USP34: variants seen among roughly 807,000 people sequenced by gnomAD.
The protein encoded by USP34 is ubiquitin carboxyl-terminal hydrolase 34.
USP34 carries 70 observed loss-of-function variants against 460.3 expected under a neutral mutation model. That is an observed-to-expected ratio of 0.15 (90% confidence interval 0.13 to 0.19). The LOEUF (loss-of-function observed/expected upper bound fraction) is 0.19. Ranked by LOEUF, USP34 falls within the 10% of genes least tolerant of loss-of-function variation. The pLI is 1.00. For synonymous variants in USP34, 1,647 were observed against 1,405.3 expected (o/e 1.17, Z -3.85); for missense variants, 3,985 against 4,236.2 (o/e 0.94, Z 1.65).
At chr2:61,447,785 G>A (rs984925806) in intron 1 of USP34, among the ~76,000 whole-genome samples, 14 of 151,904 alleles carry the variant, frequency 9.2e-5, no homozygotes, top group African/African-American at 1.2e-4. Context: ...GTGCAATCTC[G>A]GCTTGCTGCA....
intron 2 of USP34, among the ~76,000 whole-genome samples, chr2:61,419,653 G>A (rs1463163534): frequency 1.3e-5 from 2 of 152,116 alleles, no homozygotes; most frequent in Admixed American, 6.5e-5. Flanking sequence ...TATAGATCCT[G>A]AAATCAGAAG....
chr2:61,405,946 A>T lies in USP34; in HGVS notation c.314T>A (p.Leu105Gln), dbSNP rs1254208864. ...QDESNQAEEP[L>Q]NIDRECNEGS... is the part of the protein sequence containing the mutation. The stretch of plus-strand genomic sequence containing the variant: ...TTCATTACACTCTCTATCTATATTC[A>T]GTGGTTCTTCTGCTTGATTACTCTC... Residue 105 changes from leucine (L) to glutamine (Q), a missense_variant, in exon 3 of 80, where the codon CTG becomes CAG. By Grantham distance (113) the Leu-to-Gln change is moderately radical. Coordinates refer to ENST00000398571, the MANE Select transcript of USP34 (RefSeq NM_014709.4). The T allele has an allele frequency of 2.5e-5, 41 of 1,613,282 alleles. No individual in the cohort carries two copies. The highest frequency in any genetic ancestry group is 3.4e-5 in the Non-Finnish European group (40 of 1,179,882).
chr2:61,336,839 C>T (rs937647712), intron 18 of USP34, among the ~76,000 whole-genome samples: 4 of 122,006 alleles, frequency 3.3e-5, no homozygotes, highest in African/African-American at 1.2e-4. Context: ...AAAAGCAAAA[C>T]AAAAAACCTC....
chr2:61,430,883 A>C (rs1694652355), intron 1 of USP34, among the ~76,000 whole-genome samples: 1 of 152,194 alleles, frequency 6.6e-6, no homozygotes, highest in Non-Finnish European at 1.5e-5. Flanking sequence ...GCAAGCCTGT[A>C]ATCTCAGCTA....
rs775501476 is a variant in USP34 at position 61,283,265 on chromosome 2, T to G, written c.4878A>C (p.Ser1626=). The G allele has an allele frequency of 2.5e-6, 4 of 1,611,136 alleles. No homozygotes were observed. The highest frequency in any genetic ancestry group is 2.7e-5 in the African/African-American group (2 of 74,760). Residue 1626 remains serine (S), a synonymous_variant, in exon 37 of 80, where the codon TCA becomes TCC. Coordinates refer to ENST00000398571, the MANE Select transcript of USP34 (RefSeq NM_014709.4). ...TCACCAAGAGCCACATTGAATAATGTGAAACTAAAGAAAAATTAGAAAACA... is the reference window on the plus strand; with the variant it reads ...TCACCAAGAGCCACATTGAATAATGGGAAACTAAAGAAAAATTAGAAAACA... ...QSDHRSRHEV[S]HYSMWLLVSW... is the part of the protein sequence containing the mutation.
intron 27 of USP34, among the ~76,000 whole-genome samples, chr2:61,307,034 T>C (rs1293302824): frequency 6.6e-6 from 1 of 152,132 alleles, no homozygotes; most frequent in East Asian, 1.9e-4. Flanking sequence ...ATTGTGGCAC[T>C]ATTCACAAGA....
intron 9 of USP34, 34 bp downstream of exon 9, chr2:61,370,464 A>G (rs1490703974): frequency 4.3e-6 from 7 of 1,610,968 alleles, no homozygotes; most frequent in Middle Eastern, 1.6e-4. Flanking sequence ...TTCTCTATCA[A>G]TAGAACAGAG....
chr2:61,414,251 AAAAT>A (rs754934094), intron 2 of USP34, among the ~76,000 whole-genome samples: 4 of 144,470 alleles, frequency 2.8e-5, no homozygotes, highest in African/African-American at 1.0e-4. Flanking sequence ...CCATCTCTAT[AAAAT>A]AAATAAATAA....
intron 20 of USP34, among the ~76,000 whole-genome samples, chr2:61,327,415 C>T (rs1691129549): frequency 6.6e-6 from 1 of 152,152 alleles, no homozygotes; most frequent in Non-Finnish European, 1.5e-5. Flanking sequence ...ACAGCTAGCT[C>T]TTAAGGGCTT....
chr2:61,383,129 C>T (rs1416686899), intron 6 of USP34, 140 bp downstream of exon 6: 1 of 471,314 alleles, frequency 2.1e-6, no homozygotes, highest in African/African-American at 2.0e-5. Context: ...GCATAAAAAA[C>T]ACTATATACC....
chr2:61,292,600 G>C (rs1334196559), intron 33 of USP34, among the ~76,000 whole-genome samples: 1 of 151,956 alleles, frequency 6.6e-6, no homozygotes, highest in Non-Finnish European at 1.5e-5. Context: ...TTAGACATAA[G>C]ATTACTTGAT....
chr2:61,396,121 T>C (rs1693516589), intron 3 of USP34, among the ~76,000 whole-genome samples: 1 of 152,028 alleles, frequency 6.6e-6, no homozygotes, highest in East Asian at 1.9e-4. Context: ...GATAGTTAAG[T>C]GGTTTTTGTT....
At chr2:61,448,795 T>C (rs961843003) in intron 1 of USP34, among the ~76,000 whole-genome samples, 4 of 152,082 alleles carry the variant, frequency 2.6e-5, no homozygotes, top group Admixed American at 2.0e-4. Flanking sequence ...AGAAAAACAA[T>C]TTTACAATAG....
At chr2:61,414,014 T>A in intron 2 of USP34, among the ~76,000 whole-genome samples, 1 of 151,564 alleles carries the variant, frequency 6.6e-6, no homozygotes, top group Non-Finnish European at 1.5e-5. Flanking sequence ...TCCTAGCACT[T>A]TGGGAGGCCA....
In USP34 at chr2:61,366,475, T is replaced by C. The variant is rs1399716808; in HGVS notation, c.1251+3846A>G. ...CAGAAAAACACGAGCAGCCAACATATAGGTAACCCATCCACCAGAGATCTT... is the reference window on the plus strand; with the variant it reads ...CAGAAAAACACGAGCAGCCAACATACAGGTAACCCATCCACCAGAGATCTT... On this transcript the variant is annotated intron_variant, in intron 10 of 79. Transcript: ENST00000398571. Among the ~76,000 whole-genome samples the C allele has an allele frequency of 2.0e-5, 3 of 152,240 alleles. No homozygotes were observed. The South Asian group carries it at 6.2e-4, about 32-fold the overall frequency.
intron 62 of USP34, among the ~76,000 whole-genome samples, chr2:61,225,858 G>A (rs1399663192): frequency 6.6e-6 from 1 of 152,164 alleles, no homozygotes. Context: ...TCATATGAAT[G>A]AAATGTGTCT....
rs202192976 is a variant in USP34 at position 61,188,663 on chromosome 2, A to C, written c.10080T>G (p.Asp3360Glu). The change falls in exon 80 of 80, where the codon GAT (aspartate) becomes GAG (glutamate). Residue 3360 changes from aspartate (D) to glutamate (E), a missense_variant. By Grantham distance (45) the Asp-to-Glu change is conservative. Coordinates refer to ENST00000398571, the MANE Select transcript of USP34 (RefSeq NM_014709.4). ...TPIKRRRVSS[D>E]EEHTVDSCIS... ...TGCAGCTGTCTACAGTGTGCTCCTC[A>C]TCACTGCTAACACGCCGCCTTTTAA... The C allele has an allele frequency of 6.8e-5, 110 of 1,614,154 alleles. No homozygotes were observed. The African/African-American group carries it at 1.2e-3, about 18-fold the overall frequency.
intron 3 of USP34, among the ~76,000 whole-genome samples, chr2:61,398,468 C>T (rs961304480): frequency 4.5e-5 from 4 of 88,242 alleles, no homozygotes; most frequent in Non-Finnish European, 6.6e-5. Context: ...GACGGAGAAG[C>T]GGGGGAAGGA....
chr2:61,189,113 A>C, intron 78 of USP34, 44 bp from the exon 79 acceptor site: 1 of 1,584,904 alleles, frequency 6.3e-7, no homozygotes, highest in Non-Finnish European at 8.6e-7. Flanking sequence ...TAAAGCCAAC[A>C]CTTTGATGCA....
Sources: gnomAD v4.1 joint callset for allele counts (sites outside exome capture counted in the v4.1 genomes callset) on GRCh38, gnomAD v4.1.1 for gene constraint, MANE v1.5 for transcripts, NCBI Gene and HGNC (gene_info 2026-07-23, HGNC 2026-07-21) for gene names.